Variants in ACTN2 observed in about 807,000 individuals in gnomAD.
ACTN2 encodes the protein actinin alpha 2, also known as alpha-actinin-2.
Under a neutral mutation model 113.8 loss-of-function variants are expected in ACTN2, and 39 were observed. The ratio of observed to expected loss-of-function variants is 0.34; its 90% CI spans 0.27 to 0.45. The LOEUF is 0.45. Ranked by LOEUF, ACTN2 falls within the 20% of genes least tolerant of loss-of-function variation. The pLI, the probability that ACTN2 is intolerant of heterozygous loss-of-function variation, is 1.00. For missense variants in ACTN2, 992 were observed against 1,177.9 expected (o/e 0.84, Z 2.31); for synonymous variants, 429 against 444.1 (o/e 0.97, Z 0.43).
intron 4 of ACTN2, among the ~76,000 whole-genome samples, chr1:236,724,291 C>A (rs1658483160): frequency 6.6e-6 from 1 of 152,196 alleles, no homozygotes; most frequent in Non-Finnish European, 1.5e-5. Flanking sequence ...TCATCTCACC[C>A]TAAGCACCTC....
At chr1:236,718,481 T>C (rs1487346256) in intron 2 of ACTN2, among the ~76,000 whole-genome samples, 3 of 152,346 alleles carry the variant, frequency 2.0e-5, no homozygotes, top group Non-Finnish European at 2.9e-5. Context: ...CCCTGATCCA[T>C]CTGTCTTCAT....
chr1:236,751,665 G>C lies in ACTN2; in HGVS notation c.1839+13G>C. 3 of 1,613,900 alleles carry C rather than the reference G, an allele frequency of 1.9e-6. No homozygotes were observed. Among genetic ancestry groups the C allele is most frequent in the Non-Finnish European group, 2.5e-6 (3 of 1,179,826 alleles). On this transcript the variant is annotated intron_variant, in intron 15 of 20. Transcript: ENST00000366578. ...CAAGTGGGACAAGGTGGGTGGCTGA[G>C]GGCCTGGTGTGGGACCAGGGGGCAT...
At chr1:236,729,184 G>T (rs965027434) in intron 6 of ACTN2, among the ~76,000 whole-genome samples, 1 of 152,020 alleles carries the variant, frequency 6.6e-6, no homozygotes, top group Non-Finnish European at 1.5e-5. Context: ...AATTAGCCGG[G>T]TGTGGTGGCA....
intron 1 of ACTN2, among the ~76,000 whole-genome samples, chr1:236,706,254 TAA>T (rs984919048): frequency 6.6e-6 from 1 of 151,984 alleles, no homozygotes; most frequent in Non-Finnish European, 1.5e-5. Context: ...TTCTTTTTAT[TAA>T]AAAAAATGTT....
chr1:236,744,126 A>G lies in ACTN2; in HGVS notation c.1256-500A>G, dbSNP rs563184154. 2.6e-5 allele frequency among the ~76,000 whole-genome samples: 4 copies of G among 152,276 alleles called. No homozygotes were observed. In the East Asian group the frequency reaches 7.7e-4, roughly 29 times the overall value. ...TGTAAGTGGAGGGTCAGAGAGGAAAATTTCTAATATTTATTATCAGGAAAA... is the reference window on the plus strand; with the variant it reads ...TGTAAGTGGAGGGTCAGAGAGGAAAGTTTCTAATATTTATTATCAGGAAAA... On this transcript the variant is annotated intron_variant, in intron 11 of 20. Transcript: ENST00000366578.
intron 4 of ACTN2, 78 bp from the exon 5 acceptor site, chr1:236,725,855 C>T: frequency 7.5e-7 from 1 of 1,331,276 alleles, no homozygotes; most frequent in South Asian, 1.2e-5. Context: ...CCTGGGAGGT[C>T]TGTTTCAAAA....
At position 236,744,725 on chromosome 1, in the gene ACTN2, C is replaced by G. The variant is rs201875003; in HGVS notation, c.1355C>G (p.Ala452Gly). 5.0e-6 allele frequency: 8 copies of G among 1,614,164 alleles called. No individual in the cohort carries two copies. Among genetic ancestry groups the G allele is most frequent in the Non-Finnish European group, 5.1e-6 (6 of 1,180,044 alleles). ...RKHEAFESDL[A>G]AHQDRVEQIA... Reference sequence around the variant, plus strand: ...CACGAGGCGTTCGAGAGCGACCTGGCAGCGCACCAGGACCGCGTGGAGCAG... The same window carrying G: ...CACGAGGCGTTCGAGAGCGACCTGGGAGCGCACCAGGACCGCGTGGAGCAG... Residue 452 changes from alanine to glycine, a missense_variant, in exon 12 of 21, where the codon GCA becomes GGA. Around this residue, in one of 3 missense-constraint regions of ACTN2, gnomAD observed 736 missense variants for 815.4 expected, o/e 0.90. Transcript: ENST00000366578.
intron 15 of ACTN2, 96 bp from the exon 16 acceptor site, chr1:236,753,851 T>A: frequency 2.1e-6 from 2 of 966,958 alleles, no homozygotes; most frequent in South Asian, 1.3e-5. Context: ...CCTTCTCCAC[T>A]CCCACCCCCA....
intron 2 of ACTN2, 109 bp downstream of exon 2, chr1:236,718,081 A>G (rs1232731422): frequency 9.4e-6 from 8 of 851,090 alleles, no homozygotes; most frequent in South Asian, 1.4e-5. Flanking sequence ...GGGCAAGAAC[A>G]TGGTATTATT....
At chr1:236,715,810 G>A (rs1341442149) in intron 1 of ACTN2, among the ~76,000 whole-genome samples, 1 of 152,128 alleles carries the variant, frequency 6.6e-6, no homozygotes, top group Non-Finnish European at 1.5e-5. Context: ...ACAAAAATCA[G>A]CTAGGTGTGG....
At chr1:236,709,315 T>C (rs947246822) in intron 1 of ACTN2, among the ~76,000 whole-genome samples, 5 of 141,050 alleles carry the variant, frequency 3.5e-5, no homozygotes, top group African/African-American at 2.7e-5. Flanking sequence ...TACGTATATA[T>C]GTATATATAT....
intron 5 of ACTN2, 21 bp downstream of exon 5, chr1:236,726,041 G>A (rs1387460255): frequency 6.3e-7 from 1 of 1,599,860 alleles, no homozygotes; most frequent in East Asian, 2.2e-5. Context: ...AGGGCCCCTG[G>A]TCCTTGTATT....
chr1:236,731,090 A>G (rs567951994), intron 6 of ACTN2, 143 bp from the exon 7 acceptor site: 1 of 636,100 alleles, frequency 1.6e-6, no homozygotes, highest in East Asian at 2.8e-5. Context: ...TGATTGGGAA[A>G]AGATGAAAAG....
At chr1:236,750,211 C>CT (rs199798503) in intron 14 of ACTN2, among the ~76,000 whole-genome samples, 7 of 152,050 alleles carry the variant, frequency 4.6e-5, no homozygotes, top group Admixed American at 2.0e-4. Flanking sequence ...ACTTTTTACT[C>CT]TTTTTTTTCT....
At position 236,751,635 on chromosome 1, in the gene ACTN2, C is replaced by T. The variant is rs397516571; in HGVS notation, c.1822C>T (p.Arg608Trp). Residue 608 changes from arginine to tryptophan, a missense_variant, in exon 15 of 21, where the codon CGG becomes TGG. By Grantham distance (101) the Arg-to-Trp change is moderately radical (BLOSUM62 -3). This residue lies in a region of ACTN2 where 736 missense variants were observed against 815.4 expected (regional missense o/e 0.90). Coordinates refer to ENST00000366578, the MANE Select transcript of ACTN2 (RefSeq NM_001103.4). ...CAGCACTGTCACCATGGATGAGCTC[C>T]GGACCAAGTGGGACAAGGTGGGTGG... ...PYSTVTMDELRTKWDKVKQLV... is the reference protein window; with the variant it reads ...PYSTVTMDELWTKWDKVKQLV... The T allele has an allele frequency of 1.2e-5, 19 of 1,613,748 alleles. No homozygotes were observed. Among genetic ancestry groups the T allele is most frequent in the Admixed American group, 1.7e-5 (1 of 59,988 alleles).
intron 13 of ACTN2, 132 bp downstream of exon 13, chr1:236,747,907 C>A: frequency 1.4e-6 from 1 of 729,174 alleles, no homozygotes; most frequent in Non-Finnish European, 2.4e-6. Context: ...CTAAAGAAAA[C>A]ATGAAAAGTG....
chr1:236,716,507 A>C (rs1572111117), intron 1 of ACTN2, among the ~76,000 whole-genome samples: 1 of 152,302 alleles, frequency 6.6e-6, no homozygotes, highest in East Asian at 1.9e-4. Flanking sequence ...CACTTAATAT[A>C]TGGTCCATTT....
At chr1:236,707,031 C>G (rs1657844421) in intron 1 of ACTN2, among the ~76,000 whole-genome samples, 1 of 152,206 alleles carries the variant, frequency 6.6e-6, no homozygotes, top group Admixed American at 6.5e-5. Context: ...TGCCTTTTTA[C>G]AAGAGTTAAT....
intron 11 of ACTN2, among the ~76,000 whole-genome samples, chr1:236,744,002 A>G (rs192165129): frequency 6.6e-6 from 1 of 152,304 alleles, no homozygotes; most frequent in African/African-American, 2.4e-5. Flanking sequence ...TCCACTTCCA[A>G]TTTCATAGAA....
Sources: allele counts gnomAD v4.1 joint callset (sites outside exome capture counted in the v4.1 genomes callset), GRCh38; gene constraint gnomAD v4.1.1; regional missense constraint gnomAD v4.1.1; transcripts MANE v1.5; gene names NCBI Gene and HGNC (gene_info 2026-07-23, HGNC 2026-07-21).